Variants in NLGN1 observed in about 807,000 individuals in gnomAD.
NLGN1 encodes the protein neuroligin-1.
A neutral mutation model predicts 65.5 loss-of-function variants in NLGN1; 12 were observed. The ratio of observed to expected loss-of-function variants is 0.18; its 90% CI spans 0.12 to 0.30. The LOEUF (loss-of-function observed/expected upper bound fraction) is 0.30. Ranked by LOEUF, NLGN1 falls within the 10% of genes least tolerant of loss-of-function variation. NLGN1 has a pLI of 1.00. For missense variants in NLGN1, 750 were observed against 1,007.1 expected (o/e 0.74, Z 3.46); for synonymous variants, 350 against 359.5 (o/e 0.97, Z 0.30).
At chr3:173,942,554 T>C (rs1746350166) in intron 4 of NLGN1, among the ~76,000 whole-genome samples, 1 of 152,192 alleles carries the variant, frequency 6.6e-6, no homozygotes, top group Non-Finnish European at 1.5e-5. Context: ...ATCAACTTCA[T>C]AGTTCAAGGT....
chr3:173,744,327 T>C (rs1004848338), intron 3 of NLGN1, among the ~76,000 whole-genome samples: 1 of 152,084 alleles, frequency 6.6e-6, no homozygotes. Context: ...ACAACATTTA[T>C]TGAATGCCCA....
At chr3:174,142,151 T>C (rs1408812940) in intron 4 of NLGN1, among the ~76,000 whole-genome samples, 5 of 152,218 alleles carry the variant, frequency 3.3e-5, no homozygotes, top group Non-Finnish European at 7.3e-5. Context: ...TCATTTTGTA[T>C]GTTTAATATA....
chr3:173,700,926 C>T (rs984623744), intron 3 of NLGN1, among the ~76,000 whole-genome samples: 11 of 152,092 alleles, frequency 7.2e-5, no homozygotes, highest in African/African-American at 2.7e-4. Context: ...GAGATCGAGA[C>T]CATCCTGGCT....
chr3:174,064,232 T>C (rs1404850793), intron 4 of NLGN1, among the ~76,000 whole-genome samples: 3 of 152,098 alleles, frequency 2.0e-5, no homozygotes, highest in Admixed American at 6.6e-5. Context: ...GAAAGCTTCA[T>C]GAAGACAACA....
chr3:174,076,680 AG>A, intron 4 of NLGN1, among the ~76,000 whole-genome samples: 4 of 30,252 alleles, frequency 1.3e-4, no homozygotes, highest in African/African-American at 4.8e-4. Flanking sequence ...CTGGGACCAT[AG>A]AGAGAGAGAG....
chr3:174,219,755 G>A (rs933443194), intron 4 of NLGN1, among the ~76,000 whole-genome samples: 24 of 152,122 alleles, frequency 1.6e-4, no homozygotes, highest in Admixed American at 7.2e-4. Flanking sequence ...TCATTGATGT[G>A]AATGGTTAGA....
chr3:173,962,018 A>C (rs907097323), intron 4 of NLGN1, among the ~76,000 whole-genome samples: 1 of 152,148 alleles, frequency 6.6e-6, no homozygotes, highest in African/African-American at 2.4e-5. Context: ...AGATGAAAAA[A>C]AACAATAAGC....
chr3:173,767,447 A>T (rs938802055), intron 3 of NLGN1, among the ~76,000 whole-genome samples: 2 of 152,066 alleles, frequency 1.3e-5, no homozygotes, highest in African/African-American at 4.8e-5. Context: ...TGGAAAGTAC[A>T]AAGATATTTA....
chr3:174,048,390 C>T (rs765579620), intron 4 of NLGN1, among the ~76,000 whole-genome samples: 9 of 151,666 alleles, frequency 5.9e-5, no homozygotes, highest in East Asian at 1.9e-4. Context: ...TTTAAGTGCC[C>T]GTGAGAGGTG....
chr3:173,437,378 C>T (rs1479398191), intron 2 of NLGN1, among the ~76,000 whole-genome samples: 4 of 152,204 alleles, frequency 2.6e-5, no homozygotes, highest in South Asian at 2.1e-4. Context: ...GACCAGAAGC[C>T]CTTTAAGATT....
intron 3 of NLGN1, among the ~76,000 whole-genome samples, chr3:173,804,806 C>T (rs965969136): frequency 6.6e-6 from 1 of 152,068 alleles, no homozygotes; most frequent in African/African-American, 2.4e-5. Context: ...GAGGGCAGAT[C>T]ACCTGAGGTC....
chr3:173,610,459 TG>T (rs1039733764), intron 3 of NLGN1, among the ~76,000 whole-genome samples: 17 of 151,988 alleles, frequency 1.1e-4, no homozygotes, highest in African/African-American at 4.1e-4. Flanking sequence ...GATATAAATT[TG>T]GCAGTTACTC....
intron 4 of NLGN1, among the ~76,000 whole-genome samples, chr3:174,131,889 CT>C (rs1720271489): frequency 6.6e-6 from 1 of 152,156 alleles, no homozygotes; most frequent in Non-Finnish European, 1.5e-5. Flanking sequence ...AATATAAAAT[CT>C]CAACAGGTTC....
intron 4 of NLGN1, among the ~76,000 whole-genome samples, chr3:174,141,514 A>G (rs1469519639): frequency 6.6e-6 from 1 of 152,222 alleles, no homozygotes; most frequent in Non-Finnish European, 1.5e-5. Context: ...TACAATGTTG[A>G]ACAAATGTAA....
At chr3:173,597,912 C>G (rs2149423074) in intron 2 of NLGN1, among the ~76,000 whole-genome samples, 1 of 152,116 alleles carries the variant, frequency 6.6e-6, no homozygotes, top group African/African-American at 2.4e-5. Flanking sequence ...TTCAAGTTAT[C>G]TTCTTGAGGT....
intron 4 of NLGN1, among the ~76,000 whole-genome samples, chr3:173,998,244 T>A (rs2152423359): frequency 6.6e-6 from 1 of 152,310 alleles, no homozygotes; most frequent in Non-Finnish European, 1.5e-5. Context: ...CATTGCTGTT[T>A]CGTTGGCCAG....
At chr3:173,779,362 A>G (rs1336828353) in intron 3 of NLGN1, among the ~76,000 whole-genome samples, 1 of 151,976 alleles carries the variant, frequency 6.6e-6, no homozygotes. Flanking sequence ...AATTATTTTT[A>G]TATCAGATGA....
intron 4 of NLGN1, among the ~76,000 whole-genome samples, chr3:174,142,917 T>A (rs1423542987): frequency 6.6e-6 from 1 of 152,170 alleles, no homozygotes; most frequent in Admixed American, 6.5e-5. Flanking sequence ...TGATTGCATC[T>A]GCTTCTGGTG....
chr3:173,698,044 A>C (rs932664212), intron 3 of NLGN1, among the ~76,000 whole-genome samples: 10 of 152,112 alleles, frequency 6.6e-5, no homozygotes, highest in South Asian at 2.1e-4. Context: ...AAAAAAAAAA[A>C]AAACAAACTT....
Sources: gnomAD v4.1 joint callset for allele counts (sites outside exome capture counted in the v4.1 genomes callset) on GRCh38, gnomAD v4.1.1 for gene constraint, MANE v1.5 for transcripts, NCBI Gene and HGNC (gene_info 2026-07-23, HGNC 2026-07-21) for gene names.